The following SLC24A3 variants were observed in gnomAD, a reference collection of about 807,000 sequenced individuals.
The protein encoded by SLC24A3 is sodium/potassium/calcium exchanger 3.
In SLC24A3, 28 loss-of-function variants were observed where a neutral mutation model predicts 75.8. That is an observed-to-expected ratio of 0.37 (90% CI 0.27 to 0.51). The LOEUF (loss-of-function observed/expected upper bound fraction) is 0.51. SLC24A3 is among the 20% of genes least tolerant of loss of function. The probability of loss-of-function intolerance (pLI) is 0.94; values close to 1 mark genes in which losing one functional copy is unlikely to be tolerated. For missense variants in SLC24A3, 663 were observed against 847.8 expected (o/e 0.78, Z 2.71); for synonymous variants, 372 against 334.1 (o/e 1.11, Z -1.24).
intron 2 of SLC24A3, among the ~76,000 whole-genome samples, chr20:19,447,638 G>A (rs1174208305): frequency 6.6e-6 from 1 of 152,212 alleles, no homozygotes; most frequent in South Asian, 2.1e-4. Flanking sequence ...AAGTATTTAG[G>A]TTATGCTGGG....
At chr20:19,506,729 T>C (rs1404842488) in intron 2 of SLC24A3, among the ~76,000 whole-genome samples, 1 of 151,580 alleles carries the variant, frequency 6.6e-6, no homozygotes, top group East Asian at 1.9e-4. Context: ...AGAGTCCCCT[T>C]GCTCCCAAGC....
chr20:19,602,414 A>G (rs1478252492), intron 6 of SLC24A3, among the ~76,000 whole-genome samples: 1 of 152,002 alleles, frequency 6.6e-6, no homozygotes, highest in Non-Finnish European at 1.5e-5. Context: ...ACAAGCCCCC[A>G]CAGTGTCCTT....
At chr20:19,583,120 G>A (rs2031242331) in intron 4 of SLC24A3, among the ~76,000 whole-genome samples, 1 of 152,158 alleles carries the variant, frequency 6.6e-6, no homozygotes, top group Non-Finnish European at 1.5e-5. Context: ...GCTCCTAGCT[G>A]CAGAGCAGCT....
intron 3 of SLC24A3, among the ~76,000 whole-genome samples, chr20:19,550,418 G>A (rs573814207): frequency 2.5e-4 from 38 of 152,198 alleles, no homozygotes; most frequent in African/African-American, 9.1e-4. Flanking sequence ...AAGAGAGAAG[G>A]GGAGACCCAA....
chr20:19,660,683 A>G (rs538724289), intron 7 of SLC24A3, among the ~76,000 whole-genome samples: 4 of 152,166 alleles, frequency 2.6e-5, no homozygotes, highest in African/African-American at 9.6e-5. Flanking sequence ...TGAAGGGTAG[A>G]TCTACTTTCA....
chr20:19,663,054 G>A (rs565550894), intron 7 of SLC24A3, among the ~76,000 whole-genome samples: 3 of 152,206 alleles, frequency 2.0e-5, no homozygotes, highest in African/African-American at 4.8e-5. Flanking sequence ...TTCTCATGAT[G>A]AGGAAGCCCT....
intron 15 of SLC24A3, among the ~76,000 whole-genome samples, chr20:19,714,232 A>G (rs537100506): frequency 1.3e-5 from 2 of 152,120 alleles, no homozygotes; most frequent in African/African-American, 4.8e-5. Flanking sequence ...GCAAGATCCT[A>G]TCTTTACAAA....
intron 6 of SLC24A3, among the ~76,000 whole-genome samples, chr20:19,612,119 A>T (rs1043532271): frequency 1.3e-5 from 2 of 152,112 alleles, no homozygotes; most frequent in Non-Finnish European, 2.9e-5. Context: ...GACAGTCTCA[A>T]ATATGTCCAG....
rs140377430 is a variant in SLC24A3, at chr20:19,687,814, C to A, written c.1324+2453C>A. 5.8e-3 allele frequency among the ~76,000 whole-genome samples: 888 copies of A among 152,142 alleles called. 11 individuals are homozygous for A. Among genetic ancestry groups the A allele is most frequent in the African/African-American group, 0.021 (853 of 41,486 alleles). ...AGAGCTAACTGTGGGGTTTCAAGGT[C>A]TTTGAAACTCGTGCTCGCCACCCTC... On this transcript the variant is annotated intron_variant, in intron 12 of 16. Transcript: ENST00000328041.
At chr20:19,436,550 A>T (rs963495349) in intron 2 of SLC24A3, among the ~76,000 whole-genome samples, 1 of 152,212 alleles carries the variant, frequency 6.6e-6, no homozygotes, top group African/African-American at 2.4e-5. Flanking sequence ...GATAGACAGC[A>T]CTAGAGCAAA....
chr20:19,378,607 A>C lies in SLC24A3; in HGVS notation c.271+97520A>C, dbSNP rs575768338. Among the ~76,000 whole-genome samples the C allele has an allele frequency of 2.0e-5, 3 of 152,284 alleles. No individual in the cohort carries two copies. The South Asian group carries it at 6.2e-4, about 32-fold the overall frequency. On this transcript the variant is annotated intron_variant, in intron 2 of 16. Transcript: ENST00000328041. ...GACACCCTGTGCTGCTGTTTTCTTC[A>C]GTAAGATTTAAGCCTCCCTTCTTTC...
intron 6 of SLC24A3, among the ~76,000 whole-genome samples, chr20:19,627,541 TG>T (rs1257437440): frequency 6.6e-6 from 1 of 151,612 alleles, no homozygotes; most frequent in African/African-American, 2.4e-5. Flanking sequence ...GGACTGAGGA[TG>T]GGGGGAAAAA....
At chr20:19,678,458 CG>C (rs1439601069) in intron 9 of SLC24A3, among the ~76,000 whole-genome samples, 1 of 122,272 alleles carries the variant, frequency 8.2e-6, no homozygotes, top group Non-Finnish European at 1.7e-5. Context: ...GCTGGCCGGG[CG>C]GGGGGCTGAC....
chr20:19,278,586 CATTA>C (rs1430690039), intron 1 of SLC24A3, among the ~76,000 whole-genome samples: 2 of 152,194 alleles, frequency 1.3e-5, no homozygotes, highest in African/African-American at 4.8e-5. Context: ...TATTCTTAAC[CATTA>C]GAATCCACCA....
chr20:19,668,098 G>T (rs1406550072), intron 8 of SLC24A3, among the ~76,000 whole-genome samples: 1 of 152,152 alleles, frequency 6.6e-6, no homozygotes, highest in East Asian at 1.9e-4. Context: ...GGGGGCCTTG[G>T]TGGCACCAGA....
intron 2 of SLC24A3, among the ~76,000 whole-genome samples, chr20:19,366,927 G>T (rs552741818): frequency 1.3e-5 from 2 of 152,280 alleles, no homozygotes; most frequent in East Asian, 1.9e-4. Flanking sequence ...ATTCTGGGAA[G>T]TCCTCGAGTG....
chr20:19,556,590 A>G lies in SLC24A3; in HGVS notation c.349-23410A>G, dbSNP rs1001112003. 7.9e-3 allele frequency among the ~76,000 whole-genome samples: 1,203 copies of G among 152,058 alleles called. 10 individuals carry two copies. Among genetic ancestry groups the G allele is most frequent in the Non-Finnish European group, 0.013 (861 of 67,974 alleles). ...GGCCAGTGTGTGAAAAAAAAAAAAAAAAAAGAAAAGGCAATTTTAGCTTGG... is the reference window on the plus strand; with the variant it reads ...GGCCAGTGTGTGAAAAAAAAAAAAAGAAAAGAAAAGGCAATTTTAGCTTGG... On this transcript the variant is annotated intron_variant, in intron 3 of 16. Transcript: ENST00000328041.
At chr20:19,592,291 A>G (rs1399337128) in intron 6 of SLC24A3, among the ~76,000 whole-genome samples, 1 of 152,108 alleles carries the variant, frequency 6.6e-6, no homozygotes, top group Non-Finnish European at 1.5e-5. Flanking sequence ...CCCATTTGTT[A>G]GTCAGGGGTT....
chr20:19,616,947 G>A (rs1200539091), intron 6 of SLC24A3, among the ~76,000 whole-genome samples: 4 of 152,102 alleles, frequency 2.6e-5, no homozygotes, highest in East Asian at 1.9e-4. Context: ...TGGGCCAAAC[G>A]CCTACTCTTT....
Sources: allele counts gnomAD v4.1 joint callset (sites outside exome capture counted in the v4.1 genomes callset), GRCh38; gene constraint gnomAD v4.1.1; transcripts MANE v1.5; gene names NCBI Gene and HGNC (gene_info 2026-07-23, HGNC 2026-07-21).